PPFIBP1: variants seen among roughly 807,000 people sequenced by gnomAD.
PPFIBP1 encodes PPFIB scaffold protein 1, also known as liprin-beta-1.
PPFIBP1 carries 112 observed loss-of-function variants against 137.8 expected under a neutral mutation model. That is an observed-to-expected ratio of 0.81 (90% CI 0.70 to 0.95). The LOEUF (loss-of-function observed/expected upper bound fraction) is 0.95, where lower values mean the gene tolerates loss of function less well. PPFIBP1 is among the 40% of genes least tolerant of loss of function. The pLI, the probability that PPFIBP1 is intolerant of heterozygous loss-of-function variation, is 0.00. For synonymous variants in PPFIBP1, 378 were observed against 417.3 expected (o/e 0.91, Z 1.15); for missense variants, 1,083 against 1,196.6 (o/e 0.91, Z 1.40).
intron 8 of PPFIBP1, 106 bp downstream of exon 8, chr12:27,654,920 G>A: frequency 6.9e-7 from 1 of 1,439,156 alleles, no homozygotes. Flanking sequence ...GATAAAGAAG[G>A]TATTTTAAAA....
At chr12:27,569,978 A>G (rs1324417779) in intron 1 of PPFIBP1, among the ~76,000 whole-genome samples, 2 of 152,182 alleles carry the variant, frequency 1.3e-5, no homozygotes, top group Non-Finnish European at 2.9e-5. Context: ...TAATTAAACC[A>G]TTTACCATCC....
In PPFIBP1 at chr12:27,658,836, C is replaced by G; in HGVS notation, c.832C>G (p.Leu278Val). 1 of 1,613,000 alleles carries G rather than the reference C, an allele frequency of 6.2e-7. No homozygotes were observed. Among genetic ancestry groups the G allele is most frequent in the South Asian group, 1.1e-5 (1 of 91,012 alleles). Residue 278 changes from leucine (L) to valine (V), a missense_variant, in exon 10 of 30, where the codon CTC (leucine) becomes GTC (valine). Transcript: ENST00000228425. ...VDRDENFKKK[L>V]KEKNIEVQKM... ...CACAGATGAAAATTTTAAAAAGAAG[C>G]TCAAAGAAAAAAGTAAGGTTTGGTG...
intron 2 of PPFIBP1, among the ~76,000 whole-genome samples, chr12:27,594,875 A>G (rs1174863207): frequency 6.6e-6 from 1 of 152,220 alleles, no homozygotes; most frequent in Non-Finnish European, 1.5e-5. Flanking sequence ...GAATGTGGCT[A>G]TCACATCAGT....
chr12:27,689,166 CG>C lies in PPFIBP1; in HGVS notation c.2650del (p.Asp884IlefsTer5). 6.3e-7 allele frequency: 1 copy of C among 1,590,400 alleles called. No homozygotes were observed. Among genetic ancestry groups the C allele is most frequent in the South Asian group, 1.2e-5 (1 of 86,168 alleles). ...CAGAAGCGAGATGCCATGGAGCTGCCGGATTATGTACTTCTAACAGCTACTG... is the reference window on the plus strand; with the variant it reads ...CAGAAGCGAGATGCCATGGAGCTGCCGATTATGTACTTCTAACAGCTACTG... Reference protein sequence around the residue: ...QHQKRDAMELPDYVLLTATAK... With the variant: ...QHQKRDAMELXDYVLLTATAK... On this transcript the variant is annotated frameshift_variant, in exon 27 of 30. Transcript: ENST00000228425. LOFTEE classifies it high-confidence loss of function.
At chr12:27,659,692 C>G (rs939405140) in intron 10 of PPFIBP1, among the ~76,000 whole-genome samples, 5 of 151,884 alleles carry the variant, frequency 3.3e-5, no homozygotes, top group Non-Finnish European at 5.9e-5. Flanking sequence ...CTTAGGGGCT[C>G]TTTCCCCCAG....
chr12:27,570,921 A>G (rs28739557), intron 1 of PPFIBP1, among the ~76,000 whole-genome samples: 1 of 139,750 alleles, frequency 7.2e-6, no homozygotes, highest in Non-Finnish European at 1.6e-5. Context: ...AAAGAAAAAA[A>G]TAAAAATAAA....
intron 2 of PPFIBP1, among the ~76,000 whole-genome samples, chr12:27,611,619 C>T (rs1321118981): frequency 6.6e-6 from 1 of 152,178 alleles, no homozygotes; most frequent in Non-Finnish European, 1.5e-5. Flanking sequence ...CCTCAGAAAT[C>T]AAGCTGTATT....
At chr12:27,534,080 G>A (rs935540372) in intron 1 of PPFIBP1, among the ~76,000 whole-genome samples, 9 of 152,130 alleles carry the variant, frequency 5.9e-5, no homozygotes, top group East Asian at 3.9e-4. Context: ...GAACTGATCC[G>A]AGAGAGACAT....
chr12:27,625,548 T>C (rs1356952239), intron 2 of PPFIBP1, among the ~76,000 whole-genome samples: 2 of 151,420 alleles, frequency 1.3e-5, no homozygotes, highest in Non-Finnish European at 2.9e-5. Context: ...AGTTATATCA[T>C]CCATTCTATA....
chr12:27,673,021 C>A (rs1382125090), intron 15 of PPFIBP1, among the ~76,000 whole-genome samples: 1 of 152,112 alleles, frequency 6.6e-6, no homozygotes, highest in Non-Finnish European at 1.5e-5. Context: ...ATACTTCTGG[C>A]AATACACCTA....
At chr12:27,528,578 A>G (rs975601508) in intron 1 of PPFIBP1, among the ~76,000 whole-genome samples, 2 of 152,222 alleles carry the variant, frequency 1.3e-5, no homozygotes, top group African/African-American at 4.8e-5. Flanking sequence ...TACAAAATAC[A>G]TAGAATCTTT....
At chr12:27,566,627 G>A (rs1250857809) in intron 1 of PPFIBP1, among the ~76,000 whole-genome samples, 1 of 152,154 alleles carries the variant, frequency 6.6e-6, no homozygotes, top group Non-Finnish European at 1.5e-5. Flanking sequence ...TAATAATGAG[G>A]ACTTTTGGGG....
intron 28 of PPFIBP1, 27 bp from the exon 29 acceptor site, chr12:27,692,564 T>C (rs763334852): frequency 6.2e-7 from 1 of 1,607,740 alleles, no homozygotes. Context: ...AAAACACTTA[T>C]GTCATGTTAT....
At chr12:27,657,890 T>A (rs956114991) in intron 9 of PPFIBP1, among the ~76,000 whole-genome samples, 1 of 152,068 alleles carries the variant, frequency 6.6e-6, no homozygotes, top group Non-Finnish European at 1.5e-5. Flanking sequence ...GGAGGATCGC[T>A]TGAGGCCAGG....
chr12:27,677,041 G>T (rs1168858294), intron 18 of PPFIBP1, 23 bp from the exon 19 acceptor site: 12 of 1,614,050 alleles, frequency 7.4e-6, no homozygotes, highest in Non-Finnish European at 1.0e-5. Flanking sequence ...GTGTGATTGT[G>T]TGCGTTGTTG....
chr12:27,677,239 C>G (rs2060576723), intron 19 of PPFIBP1, 143 bp downstream of exon 19: 4 of 1,041,498 alleles, frequency 3.8e-6, no homozygotes, highest in South Asian at 1.5e-5. Flanking sequence ...TTCTTTCCAC[C>G]TTCTGCTAAA....
At chr12:27,612,921 A>C in intron 2 of PPFIBP1, among the ~76,000 whole-genome samples, 1 of 119,630 alleles carries the variant, frequency 8.4e-6, no homozygotes, top group East Asian at 2.5e-4. Flanking sequence ...TGGGTTAGAT[A>C]ATACACATCA....
intron 1 of PPFIBP1, among the ~76,000 whole-genome samples, chr12:27,573,739 T>C (rs970639019): frequency 6.6e-6 from 1 of 152,096 alleles, no homozygotes; most frequent in African/African-American, 2.4e-5. Flanking sequence ...TCCCAGCATT[T>C]TGGGAGGCTG....
intron 6 of PPFIBP1, among the ~76,000 whole-genome samples, chr12:27,648,314 G>A (rs1243359324): frequency 1.3e-5 from 2 of 152,128 alleles, no homozygotes; most frequent in Non-Finnish European, 2.9e-5. Flanking sequence ...TCTCACCCCA[G>A]CTAAAATGGC....
Sources: gnomAD v4.1 joint callset for allele counts (sites outside exome capture counted in the v4.1 genomes callset) on GRCh38, gnomAD v4.1.1 for gene constraint, MANE v1.5 for transcripts, NCBI Gene and HGNC (gene_info 2026-07-23, HGNC 2026-07-21) for gene names.